Variants in GBP5 observed in about 807,000 individuals in gnomAD.
The protein encoded by GBP5 is guanylate-binding protein 5.
GBP5 carries 48 observed loss-of-function variants against 58.2 expected under a neutral mutation model. The ratio of observed to expected loss-of-function variants is 0.83; its 90% CI spans 0.65 to 1.05. The LOEUF (loss-of-function observed/expected upper bound fraction) is 1.05, where lower values mean the gene tolerates loss of function less well. GBP5 is among the 50% of genes least tolerant of loss of function. The pLI, the probability that GBP5 is intolerant of heterozygous loss-of-function variation, is 0.00. For synonymous variants in GBP5, 248 were observed against 251.8 expected (o/e 0.98, Z 0.14); for missense variants, 714 against 686.8 (o/e 1.04, Z -0.44).
In GBP5 at chr1:89,267,126, G is replaced by T. The variant is rs545288733; in HGVS notation, c.456C>A (p.Leu152=). ...CAAGGTCGGGTGAGTTTCTTGCCTTGAGCAGATCTGTCAGTTCTGTCACAT... is the reference window on the plus strand; with the variant it reads ...CAAGGTCGGGTGAGTTTCTTGCCTTTAGCAGATCTGTCAGTTCTGTCACAT... ...LHNVTELTDL[L]KARNSPDLDR... is the part of the protein sequence containing the mutation. Residue 152 remains leucine, a synonymous_variant, in exon 6 of 12, where the codon CTC becomes CTA. Coordinates refer to ENST00000370459, the MANE Select transcript of GBP5 (RefSeq NM_052942.5). The T allele has an allele frequency of 6.2e-7, 1 of 1,601,912 alleles. No homozygotes were observed. The highest frequency in any genetic ancestry group is 1.1e-5 in the South Asian group (1 of 88,370).
Position 89,259,731 on chromosome 1 carries a change from C to T in GBP5, c.*973G>A, listed in dbSNP as rs1434921008. ...CCACTATAACCACCCCTAAGCTAAA[C>T]CACATCCTGGTACCCTGAGCCAGGC... On this transcript the variant is annotated 3_prime_UTR_variant, in exon 12 of 12. Coordinates refer to ENST00000370459, the MANE Select transcript of GBP5 (RefSeq NM_052942.5). The T allele has an allele frequency of 1.3e-5, 2 of 152,134 alleles. No individual in the cohort carries two copies. The highest frequency in any genetic ancestry group is 2.4e-5 in the African/African-American group (1 of 41,392). 9.4% of individuals were successfully genotyped at this position (152,134 alleles called of 1,614,324 possible).
In GBP5 at chr1:89,268,855, G is replaced by T; in HGVS notation, c.192C>A (p.Gly64=). ...ACTGCACCGTAGATGCAACAGAGAA[G>T]CCTGTCAGGGGGAGTGAGAGGTTGT... ...LMNKLAGKNK[G]FSVASTVQSH... Residue 64 remains glycine (G), a splice_region_variant and synonymous_variant, in exon 4 of 12, where the codon GGC becomes GGA. Transcript: ENST00000370459. 1 of 1,613,586 alleles carries T rather than the reference G, an allele frequency of 6.2e-7. No homozygotes were observed. The highest frequency in any genetic ancestry group is 1.3e-5 in the African/African-American group (1 of 74,990).
At chr1:89,264,058 CAT>C in intron 8 of GBP5, 110 bp from the exon 9 acceptor site, 1 of 697,724 alleles carries the variant, frequency 1.4e-6, no homozygotes, top group East Asian at 2.6e-5. Flanking sequence ...GAGCAAGACA[CAT>C]ATAAGCAAGA....
At chr1:89,263,649 C>T (rs1650094828) in intron 9 of GBP5, 87 bp downstream of exon 9, 1 of 833,824 alleles carries the variant, frequency 1.2e-6, no homozygotes, top group Non-Finnish European at 2.0e-6. Flanking sequence ...CATCTGTGTG[C>T]CTGTATACAT....
At chr1:89,263,026 A>G (rs905448937) in intron 9 of GBP5, 4 of 359,078 alleles carry the variant, frequency 1.1e-5, no homozygotes, top group Non-Finnish European at 2.0e-5. Flanking sequence ...CCATGACTCC[A>G]TGGTCAGTCA....
At chr1:89,269,604 A>G in intron 2 of GBP5, 30 bp from the exon 3 acceptor site, 2 of 1,466,650 alleles carry the variant, frequency 1.4e-6, no homozygotes, top group South Asian at 2.4e-5. Flanking sequence ...ATAGGCTGGA[A>G]TTTCTGGTGT....
Position 89,268,779 on chromosome 1 carries a change from T to C in GBP5, c.268A>G (p.Asn90Asp), listed in dbSNP as rs1361563624. 4 of 1,613,930 alleles carry C rather than the reference T, an allele frequency of 2.5e-6. No individual in the cohort carries two copies. The highest frequency in any genetic ancestry group is 1.7e-5 in the Admixed American group (1 of 60,000). Residue 90 changes from asparagine (N) to aspartate (D), a missense_variant, in exon 4 of 12, where the codon AAT (asparagine) becomes GAT (aspartate). By Grantham distance (23) the Asn-to-Asp change is conservative. Transcript: ENST00000370459. ...GTGTCAAGCAGAACTAATGTGTGAT[T>C]TGGCCAGTTGGGATGAGGCACACAC... ...IWCVPHPNWP[N>D]HTLVLLDTEG...
At position 89,269,498 on chromosome 1, in the gene GBP5, G is replaced by T; in HGVS notation, c.58C>A (p.Gln20Lys). ...PMCLIENFNE[Q>K]LKVNQEALEI... ...AAAGCTTCCTGATTAACCTTCAGCT[G>T]CTCATTAAAGTTCTCGATGAGGCAC... Residue 20 changes from glutamine to lysine, a missense_variant, in exon 3 of 12, where the codon CAG becomes AAG. Transcript: ENST00000370459. 6.2e-7 allele frequency: 1 copy of T among 1,613,852 alleles called. No individual in the cohort carries two copies. The highest frequency in any genetic ancestry group is 8.5e-7 in the Non-Finnish European group (1 of 1,179,814).
Position 89,266,482 on chromosome 1 carries a change from C to A in GBP5, c.732G>T (p.Lys244Asn), listed in dbSNP as rs770024893. The A allele has an allele frequency of 6.2e-7, 1 of 1,614,016 alleles. No homozygotes were observed. The highest frequency in any genetic ancestry group is 1.1e-5 in the South Asian group (1 of 91,076). ...CAGGCAGTGTTTCAAGTTGGGCAAG[C>A]TTTTTTTGGTGAGCAGGTAAGTCAA... ...FIFDLPAHQKKLAQLETLPDD... is the reference protein window; with the variant it reads ...FIFDLPAHQKNLAQLETLPDD... Residue 244 changes from lysine to asparagine, a missense_variant, in exon 7 of 12, where the codon AAG (lysine) becomes AAT (asparagine). Transcript: ENST00000370459.
intron 11 of GBP5, among the ~76,000 whole-genome samples, chr1:89,261,772 G>C (rs879351165): frequency 2.6e-5 from 4 of 152,208 alleles, no homozygotes; most frequent in African/African-American, 9.6e-5. Context: ...GCAAGAACAG[G>C]GGCATAGACA....
rs61729738 is a variant in GBP5, at chr1:89,260,728, G to A, written c.1737C>T (p.Asn579=). 10,806 of 1,612,946 alleles carry A rather than the reference G, an allele frequency of 6.7e-3. 55 individuals carry two copies. The highest frequency in any genetic ancestry group is 8.3e-3 in the Non-Finnish European group (9,762 of 1,178,970). The change falls in exon 12 of 12, where the codon AAC becomes AAT. Residue 579 remains asparagine (N), a synonymous_variant. Coordinates refer to ENST00000370459, the MANE Select transcript of GBP5 (RefSeq NM_052942.5). Reference sequence around the variant, plus strand: ...TTTAGAGTAAAACACATGGATCATCGTTATTAACAGTCCTCTGGGCGTGCT... The same window carrying A: ...TTTAGAGTAAAACACATGGATCATCATTATTAACAGTCCTCTGGGCGTGCT... ...ELQHAQRTVN[N]DDPCVLL
intron 1 of GBP5, chr1:89,271,219 A>G (rs2100601350): frequency 6.6e-6 from 1 of 152,298 alleles, no homozygotes; most frequent in East Asian, 1.9e-4. Context: ...TTGCAAATAA[A>G]AACAATGCAA....
At chr1:89,270,392 C>T (rs1650396945) in intron 2 of GBP5, 1 of 152,180 alleles carries the variant, frequency 6.6e-6, no homozygotes, top group Admixed American at 6.5e-5. Flanking sequence ...ACTAAGGATG[C>T]TAAAACTTCA....
In GBP5 at chr1:89,262,717, G is replaced by A; in HGVS notation, c.1431C>T (p.Asp477=). 6.2e-7 allele frequency: 1 copy of A among 1,608,394 alleles called. No individual in the cohort carries two copies. Among genetic ancestry groups the A allele is most frequent in the Non-Finnish European group, 8.5e-7 (1 of 1,177,172 alleles). The part of the protein sequence containing the change: ...ESVSHAILQT[D]QALTETEKKK... ...TTTTTTCCGTCTCTGTGAGAGCCTG[G>A]TCAGTCTGTAATATTGCATGACTCA... Residue 477 remains aspartate (D), a synonymous_variant, in exon 10 of 12, where the codon GAC becomes GAT. Coordinates refer to ENST00000370459, the MANE Select transcript of GBP5 (RefSeq NM_052942.5).
intron 9 of GBP5, 154 bp downstream of exon 9, chr1:89,263,582 T>C (rs1650092767): frequency 3.4e-6 from 2 of 581,860 alleles, no homozygotes; most frequent in Non-Finnish European, 6.2e-6. Flanking sequence ...AGGCACATTG[T>C]TTTTCCATAA....
Position 89,262,211 on chromosome 1 carries a change from G to A in GBP5, c.1647+9C>T. 2 of 1,613,482 alleles carry A rather than the reference G, an allele frequency of 1.2e-6. No homozygotes were observed. Among genetic ancestry groups the A allele is most frequent in the Non-Finnish European group, 1.7e-6 (2 of 1,179,472 alleles). On this transcript the variant is annotated intron_variant, in intron 11 of 11. Transcript: ENST00000370459. Reference sequence around the variant, plus strand: ...CAGGCAGGGGAGAGATGAAACAATTGATGAATACCTGCATCTGTTGTTCCT... The same window carrying A: ...CAGGCAGGGGAGAGATGAAACAATTAATGAATACCTGCATCTGTTGTTCCT...
chr1:89,266,446 T>C lies in GBP5; in HGVS notation c.768A>G (p.Leu256=). Residue 256 remains leucine, a synonymous_variant, in exon 7 of 12, where the codon CTA becomes CTG. Coordinates refer to ENST00000370459, the MANE Select transcript of GBP5 (RefSeq NM_052942.5). Reference sequence around the variant, plus strand: ...TCACTTGTTGCACAAATTCAGGCTCTAGCTCATCATCAGGCAGTGTTTCAA... The same window carrying C: ...TCACTTGTTGCACAAATTCAGGCTCCAGCTCATCATCAGGCAGTGTTTCAA... ...AQLETLPDDE[L]EPEFVQQVTE... 1.2e-6 allele frequency: 2 copies of C among 1,614,168 alleles called. No homozygotes were observed. Among genetic ancestry groups the C allele is most frequent in the South Asian group, 2.2e-5 (2 of 91,090 alleles).
Position 89,264,945 on chromosome 1 carries a change from G to A in GBP5, c.890C>T (p.Thr297Ile), listed in dbSNP as rs780781591. 1.2e-6 allele frequency: 2 copies of A among 1,613,458 alleles called. No individual in the cohort carries two copies. Among genetic ancestry groups the A allele is most frequent in the East Asian group, 4.5e-5 (2 of 44,870 alleles). Reference sequence around the variant, plus strand: ...CCCACTGCTGATGGCATTGACATAGGTCAGCACCAGGTTCTTTAGACCTTC... The same window carrying A: ...CCCACTGCTGATGGCATTGACATAGATCAGCACCAGGTTCTTTAGACCTTC... ...NGSRLKNLVLTYVNAISSGDL... is the reference protein window; with the variant it reads ...NGSRLKNLVLIYVNAISSGDL... The change falls in exon 8 of 12, where the codon ACC (threonine) becomes ATC (isoleucine). Residue 297 changes from threonine (T) to isoleucine (I), a missense_variant. Transcript: ENST00000370459.
Position 89,267,377 on chromosome 1 carries a change from C to T in GBP5, c.428+40G>A, listed in dbSNP as rs1290933381. The T allele has an allele frequency of 4.3e-6, 6 of 1,382,898 alleles. No homozygotes were observed. The Admixed American group carries it at 8.4e-5, about 19-fold the overall frequency. 85.7% of individuals were successfully genotyped at this position (1,382,898 alleles called of 1,614,324 possible). ...CATGCAGCTGGTAAATAGAGGAGTT[C>T]TGTCGGACTTTGGTGCCATCCCATA... On this transcript the variant is annotated intron_variant, in intron 5 of 11. Transcript: ENST00000370459.
Sources: allele counts gnomAD v4.1 joint callset (sites outside exome capture counted in the v4.1 genomes callset), GRCh38; gene constraint gnomAD v4.1.1; transcripts MANE v1.5; gene names NCBI Gene and HGNC (gene_info 2026-07-23, HGNC 2026-07-21).